The following COLEC10 variants were observed in gnomAD, a reference collection of about 807,000 sequenced individuals.
COLEC10 encodes collectin-10.
Under a neutral mutation model 28.4 loss-of-function variants are expected in COLEC10, and 22 were observed. The ratio of observed to expected loss-of-function variants is 0.78; its 90% CI spans 0.55 to 1.11. The LOEUF (loss-of-function observed/expected upper bound fraction) is 1.11, where lower values mean the gene tolerates loss of function less well. COLEC10 is among the 50% of genes least tolerant of loss of function. The probability of loss-of-function intolerance (pLI) is 0.00; values close to 1 mark genes in which losing one functional copy is unlikely to be tolerated. For synonymous variants in COLEC10, 125 were observed against 116.1 expected (o/e 1.08, Z -0.49); for missense variants, 361 against 344.1 (o/e 1.05, Z -0.39).
the COLEC10 span, among the ~76,000 whole-genome samples, chr8:118,954,105 T>C: frequency 6.6e-6 from 1 of 152,244 alleles, no homozygotes; most frequent in African/African-American, 2.4e-5. Context: ...TATTTTTCTA[T>C]GGTATTCGCT....
chr8:119,091,245 A>G (rs987261876), intron 3 of COLEC10, 25 bp downstream of exon 3: 6 of 1,585,076 alleles, frequency 3.8e-6, no homozygotes, highest in Non-Finnish European at 5.2e-6. Flanking sequence ...ACTATTCTCC[A>G]GTAGCAATTC....
intron 1 of COLEC10, among the ~76,000 whole-genome samples, chr8:119,084,578 G>A (rs1815432992): frequency 2.6e-5 from 4 of 152,184 alleles, no homozygotes; most frequent in Admixed American, 2.6e-4. Context: ...AGCAGTGTGG[G>A]CTTGAGATGA....
the COLEC10 span, among the ~76,000 whole-genome samples, chr8:118,988,654 C>G: frequency 6.6e-6 from 1 of 152,162 alleles, no homozygotes; most frequent in South Asian, 2.1e-4. Context: ...GAGGTTCCTT[C>G]TTCACCACAC....
At chr8:119,085,146 C>A (rs1017074953) in intron 1 of COLEC10, among the ~76,000 whole-genome samples, 16 of 152,164 alleles carry the variant, frequency 1.1e-4, no homozygotes, top group African/African-American at 3.9e-4. Context: ...TTAACCAAGG[C>A]AGTGCACTCT....
chr8:118,980,324 C>T, the COLEC10 span, among the ~76,000 whole-genome samples: 49 of 151,490 alleles, frequency 3.2e-4, no homozygotes, highest in African/African-American at 1.1e-3. Flanking sequence ...TCCCAAGTAG[C>T]GGGAATTACA....
intron 2 of COLEC10, among the ~76,000 whole-genome samples, chr8:119,043,148 T>C (rs939493749): frequency 6.6e-6 from 1 of 152,164 alleles, no homozygotes. Flanking sequence ...AAAGGGAAGA[T>C]TTATTAAACT....
At chr8:119,005,319 G>A (rs1436244131) in intron 1 of COLEC10, among the ~76,000 whole-genome samples, 2 of 152,106 alleles carry the variant, frequency 1.3e-5, no homozygotes, top group East Asian at 3.9e-4. Context: ...CAGTCACATT[G>A]CTATAACCAG....
At position 119,057,445 on chromosome 8, in the gene COLEC10, T is replaced by C. The variant is rs540093196; in HGVS notation, n.236-32235T>C. ...TAGGAAACACATCCTGAAAGAAACA[T>C]TTCCTGATCCAACCTAGATCAGGTG... On this transcript the variant is annotated intron_variant and non_coding_transcript_variant, in intron 2 of 6. Coordinates refer to the COLEC10 transcript ENST00000521788. Among the ~76,000 whole-genome samples the C allele has an allele frequency of 9.9e-5, 15 of 152,166 alleles. No individual in the cohort carries two copies. The East Asian group carries it at 2.9e-3, about 29-fold the overall frequency.
At chr8:119,036,910 G>C (rs992542347) in intron 2 of COLEC10, among the ~76,000 whole-genome samples, 1 of 152,140 alleles carries the variant, frequency 6.6e-6, no homozygotes, top group Admixed American at 6.5e-5. Context: ...AGGTCACCTG[G>C]AGAGAAGCAG....
intron 3 of COLEC10, among the ~76,000 whole-genome samples, chr8:119,098,038 A>G (rs140959287): frequency 6.6e-6 from 1 of 152,154 alleles, no homozygotes; most frequent in Non-Finnish European, 1.5e-5. Flanking sequence ...TCCAGAACTG[A>G]AGCTCTGTAC....
intron 1 of COLEC10, among the ~76,000 whole-genome samples, chr8:119,074,001 T>C (rs1467657103): frequency 1.3e-5 from 2 of 151,686 alleles, no homozygotes; most frequent in African/African-American, 4.8e-5. Context: ...TACACACATA[T>C]ATATACGTGT....
At position 119,070,438 on chromosome 8, in the gene COLEC10, TCTCCCTCG is replaced by T. The variant is rs1273352722; in HGVS notation, c.148+3013_148+3020del. 3.7e-3 allele frequency among the ~76,000 whole-genome samples: 428 copies of T among 116,518 alleles called. 22 individuals carry two copies. Among genetic ancestry groups the T allele is most frequent in the African/African-American group, 0.019 (392 of 20,844 alleles). The allele number at this position is 116,518 out of a possible 152,430, so 76.4% of individuals were successfully genotyped here. ...GTTACCTAACAGGAAAATGAAATGT[TCTCCCTCG>T]CTCTCTCTCTCTCTCTCTCTCTCTC... On this transcript the variant is annotated intron_variant, in intron 1 of 5. Coordinates refer to ENST00000332843, the MANE Select transcript of COLEC10 (RefSeq NM_006438.5).
chr8:118,975,521 G>A, the COLEC10 span, among the ~76,000 whole-genome samples: 7 of 152,028 alleles, frequency 4.6e-5, no homozygotes, highest in African/African-American at 1.7e-4. Flanking sequence ...TATTGGAAAT[G>A]AGTCAAATGA....
intron 1 of COLEC10, among the ~76,000 whole-genome samples, chr8:119,006,166 G>T (rs1813792108): frequency 6.6e-6 from 1 of 152,012 alleles, no homozygotes; most frequent in Non-Finnish European, 1.5e-5. Context: ...TATGCTCACA[G>T]GGTCCAGGTG....
At chr8:119,053,111 A>G (rs1030434853) in intron 2 of COLEC10, among the ~76,000 whole-genome samples, 1 of 152,138 alleles carries the variant, frequency 6.6e-6, no homozygotes, top group Non-Finnish European at 1.5e-5. Flanking sequence ...GTGCTCTACA[A>G]TAATAACTCT....
intron 1 of COLEC10, among the ~76,000 whole-genome samples, chr8:119,083,563 T>A (rs1358046440): frequency 6.6e-6 from 1 of 152,154 alleles, no homozygotes; most frequent in East Asian, 1.9e-4. Context: ...TATTTATGCA[T>A]CAGTGAGAGC....
chr8:119,088,390 A>G (rs944993241), intron 1 of COLEC10, among the ~76,000 whole-genome samples: 1 of 152,140 alleles, frequency 6.6e-6, no homozygotes, highest in African/African-American at 2.4e-5. Context: ...TCAATGTTTG[A>G]TCAATCTCAC....
chr8:118,961,981 T>C, the COLEC10 span, among the ~76,000 whole-genome samples: 1 of 152,164 alleles, frequency 6.6e-6, no homozygotes, highest in South Asian at 2.1e-4. Context: ...GGCCTACTTG[T>C]CTAAATGAGT....
intron 3 of COLEC10, 116 bp from the exon 4 acceptor site, chr8:119,102,229 TCCC>T: frequency 4.5e-6 from 1 of 222,426 alleles, no homozygotes. Flanking sequence ...CCTCCCTCCC[TCCC>T]TCCCTCCCTC....
Sources: allele counts gnomAD v4.1 joint callset (sites outside exome capture counted in the v4.1 genomes callset), GRCh38; gene constraint gnomAD v4.1.1; transcripts MANE v1.5; gene names NCBI Gene and HGNC (gene_info 2026-07-23, HGNC 2026-07-21).